The following LRBA variants were observed in gnomAD, a reference collection of about 807,000 sequenced individuals.
The protein encoded by LRBA is LPS responsive beige-like anchor protein.
In LRBA, 176 loss-of-function variants were observed where a neutral mutation model predicts 330.0. That is an observed-to-expected ratio of 0.53 (90% CI 0.47 to 0.60). The LOEUF is 0.60. Among genes scored for constraint, LRBA ranks in the 20% least tolerant of loss-of-function variants. The pLI is 0.00. For synonymous variants in LRBA, 1,230 were observed against 1,193.0 expected, an observed-to-expected ratio of 1.03 and a Z score of -0.64; for missense variants, 3,259 against 3,444.8, an observed-to-expected ratio of 0.95 and a Z score of 1.35.
chr4:150,324,478 G>C (rs1732974133), intron 49 of LRBA, among the ~76,000 whole-genome samples: 1 of 151,870 alleles, frequency 6.6e-6, no homozygotes, highest in African/African-American at 2.4e-5. Context: ...TTTTTAAAAT[G>C]TGTATAGCTT....
chr4:150,877,419 TA>T (rs1754171150), intron 17 of LRBA, among the ~76,000 whole-genome samples: 1 of 151,958 alleles, frequency 6.6e-6, no homozygotes, highest in African/African-American at 2.4e-5. Flanking sequence ...TATCAAGAGT[TA>T]AAAAGGACAA....
At chr4:150,639,868 TATATTTAGATGGA>T (rs1778496648) in intron 37 of LRBA, among the ~76,000 whole-genome samples, 1 of 92,750 alleles carries the variant, frequency 1.1e-5, no homozygotes, top group Non-Finnish European at 2.1e-5. Flanking sequence ...TATATATATA[TATATTTAGATGGA>T]GTTTCGCTCT....
chr4:151,005,321 T>A (rs1048757987), intron 2 of LRBA, among the ~76,000 whole-genome samples: 2 of 149,450 alleles, frequency 1.3e-5, no homozygotes, highest in African/African-American at 4.9e-5. Context: ...GGCAGGCGCC[T>A]GTAATCCCAG....
chr4:150,508,538 C>T (rs1761445146), intron 40 of LRBA, among the ~76,000 whole-genome samples: 1 of 152,180 alleles, frequency 6.6e-6, no homozygotes, highest in Non-Finnish European at 1.5e-5. Context: ...ATCCACCCAC[C>T]TTGGCCTCCC....
At chr4:150,425,151 T>A (rs999482239) in intron 46 of LRBA, among the ~76,000 whole-genome samples, 1 of 152,246 alleles carries the variant, frequency 6.6e-6, no homozygotes, top group Admixed American at 6.5e-5. Context: ...TTTTGACAGA[T>A]GAAATGTAGT....
At chr4:150,397,020 G>T (rs758880609) in intron 47 of LRBA, among the ~76,000 whole-genome samples, 1 of 151,994 alleles carries the variant, frequency 6.6e-6, no homozygotes, top group Non-Finnish European at 1.5e-5. Flanking sequence ...GAAAAGCAAC[G>T]GAAAGAGAAA....
intron 31 of LRBA, among the ~76,000 whole-genome samples, chr4:150,815,342 C>A (rs1487184476): frequency 1.4e-5 from 2 of 148,016 alleles, no homozygotes; most frequent in Non-Finnish European, 3.0e-5. Flanking sequence ...CAAATTATTT[C>A]TTCTCCAAAG....
Position 150,278,107 on chromosome 4 carries a change from GAAGA to G in LRBA, c.8317-107_8317-104del, listed in dbSNP as rs1184454885. On this transcript the variant is annotated intron_variant, in intron 55 of 56. Transcript: ENST00000651943. ...TACACCAGCTACTACGGTGCAGAGA[GAAGA>G]GAGAGAGATCCTCAGGAGTTTTTAG... The G allele has an allele frequency of 3.0e-5, 28 of 937,532 alleles. No individual in the cohort carries two copies. The East Asian group carries it at 7.1e-4, about 24-fold the overall frequency. 58.1% of individuals were successfully genotyped at this position (937,532 alleles called of 1,614,324 possible).
chr4:150,561,560 C>G (rs1242297068), intron 40 of LRBA, among the ~76,000 whole-genome samples: 2 of 152,154 alleles, frequency 1.3e-5, no homozygotes, highest in African/African-American at 4.8e-5. Flanking sequence ...AGCACTCAAT[C>G]TGTCCTTACT....
At chr4:150,547,167 C>T (rs993866715) in intron 40 of LRBA, among the ~76,000 whole-genome samples, 4 of 152,040 alleles carry the variant, frequency 2.6e-5, no homozygotes, top group South Asian at 4.1e-4. Context: ...CAAATATACA[C>T]ACTTAAAATG....
chr4:150,844,335 T>G (rs1336456494), intron 27 of LRBA, 128 bp from the exon 28 acceptor site: 1 of 542,590 alleles, frequency 1.8e-6, no homozygotes, highest in Non-Finnish European at 3.1e-6. Context: ...TTCCCCACTT[T>G]TTTTGTGTGT....
At chr4:150,446,794 A>T (rs1361681844) in intron 44 of LRBA, among the ~76,000 whole-genome samples, 1 of 152,220 alleles carries the variant, frequency 6.6e-6, no homozygotes, top group African/African-American at 2.4e-5. Flanking sequence ...TGAGATTCAC[A>T]ACTGCTATCT....
chr4:150,624,669 T>C (rs571254533), intron 37 of LRBA, among the ~76,000 whole-genome samples: 108 of 152,224 alleles, frequency 7.1e-4, no homozygotes, highest in African/African-American at 1.9e-3. Context: ...AATGCGTATA[T>C]AAAAATAAAT....
intron 53 of LRBA, among the ~76,000 whole-genome samples, chr4:150,286,821 T>C (rs1368745087): frequency 6.6e-6 from 1 of 152,194 alleles, no homozygotes; most frequent in African/African-American, 2.4e-5. Flanking sequence ...GGTTGGTTGG[T>C]TGGTTGGTTA....
intron 2 of LRBA, among the ~76,000 whole-genome samples, chr4:150,971,235 AG>A (rs1427532316): frequency 1.3e-5 from 2 of 152,132 alleles, no homozygotes; most frequent in African/African-American, 4.8e-5. Flanking sequence ...GGTTCCTTTG[AG>A]GAACTTTTTC....
intron 47 of LRBA, among the ~76,000 whole-genome samples, chr4:150,373,299 T>C (rs1184571989): frequency 3.9e-5 from 6 of 152,126 alleles, no homozygotes; most frequent in Non-Finnish European, 7.3e-5. Flanking sequence ...GTTCTAGCTG[T>C]TGTATTTTTG....
chr4:150,635,425 A>G (rs902250725), intron 37 of LRBA, among the ~76,000 whole-genome samples: 1 of 152,154 alleles, frequency 6.6e-6, no homozygotes, highest in Non-Finnish European at 1.5e-5. Flanking sequence ...TCCTTCTTCT[A>G]TATTTCCATA....
intron 40 of LRBA, among the ~76,000 whole-genome samples, chr4:150,518,114 C>T (rs1762553833): frequency 6.6e-6 from 1 of 152,174 alleles, no homozygotes; most frequent in South Asian, 2.1e-4. Flanking sequence ...AATCATTTTA[C>T]AGCTTCTCTT....
At chr4:150,581,738 C>T (rs1771366733) in intron 40 of LRBA, 2 of 152,784 alleles carry the variant, frequency 1.3e-5, no homozygotes, top group Admixed American at 1.3e-4. Context: ...TTTCTTACTT[C>T]TCTCTTTACC....
Sources: gnomAD v4.1 joint callset for allele counts (sites outside exome capture counted in the v4.1 genomes callset) on GRCh38, gnomAD v4.1.1 for gene constraint, MANE v1.5 for transcripts, NCBI Gene and HGNC (gene_info 2026-07-23, HGNC 2026-07-21) for gene names.